Variants in NTRK3 observed in about 807,000 individuals in gnomAD.
The protein encoded by NTRK3 is NT-3 growth factor receptor.
A neutral mutation model predicts 91.7 loss-of-function variants in NTRK3; 24 were observed. That is an observed-to-expected ratio of 0.26 (90% CI 0.19 to 0.37). The LOEUF is 0.37. Ranked by LOEUF, NTRK3 falls within the 10% of genes least tolerant of loss-of-function variation. The probability of loss-of-function intolerance (pLI) is 1.00; values close to 1 mark genes in which losing one functional copy is unlikely to be tolerated. For synonymous variants in NTRK3, 483 were observed against 404.0 expected, an observed-to-expected ratio of 1.20 and a Z score of -2.34; for missense variants, 880 against 1,068.9, an observed-to-expected ratio of 0.82 and a Z score of 2.46.
chr15:88,092,216 A>G (rs1447951842), intron 13 of NTRK3, among the ~76,000 whole-genome samples: 1 of 152,164 alleles, frequency 6.6e-6, no homozygotes, highest in East Asian at 1.9e-4. Context: ...ATCAGATGAA[A>G]TATGATGGCT....
chr15:88,213,939 C>T (rs951524305), intron 3 of NTRK3, among the ~76,000 whole-genome samples: 7 of 151,992 alleles, frequency 4.6e-5, no homozygotes, highest in Admixed American at 1.3e-4. Flanking sequence ...ATTAGCCAGG[C>T]GTGGTGGCAC....
intron 15 of NTRK3, among the ~76,000 whole-genome samples, chr15:87,937,136 C>T (rs2069369068): frequency 6.6e-6 from 1 of 152,204 alleles, no homozygotes; most frequent in African/African-American, 2.4e-5. Flanking sequence ...CTTATGACCT[C>T]TACAGAACAT....
chr15:88,185,451 T>C (rs2046869074), intron 3 of NTRK3, among the ~76,000 whole-genome samples: 1 of 152,140 alleles, frequency 6.6e-6, no homozygotes, highest in Non-Finnish European at 1.5e-5. Context: ...GATCCCCAGG[T>C]TGAGAACCAT....
At chr15:87,983,118 C>G (rs1213708550) in intron 14 of NTRK3, among the ~76,000 whole-genome samples, 1 of 152,240 alleles carries the variant, frequency 6.6e-6, no homozygotes, top group East Asian at 1.9e-4. Context: ...TTTCAAACAT[C>G]CCCTCTTCAA....
intron 3 of NTRK3, among the ~76,000 whole-genome samples, chr15:88,226,396 G>C (rs764975420): frequency 6.6e-6 from 1 of 152,206 alleles, no homozygotes; most frequent in Non-Finnish European, 1.5e-5. Context: ...AACAGGCCAC[G>C]AGCAGTCCAC....
At chr15:88,022,098 C>T (rs2077641661) in intron 14 of NTRK3, among the ~76,000 whole-genome samples, 1 of 152,118 alleles carries the variant, frequency 6.6e-6, no homozygotes, top group Admixed American at 6.5e-5. Flanking sequence ...AGGGCGGAGT[C>T]CATCATCCAC....
At chr15:88,042,801 T>C (rs889107323) in intron 13 of NTRK3, among the ~76,000 whole-genome samples, 3 of 152,128 alleles carry the variant, frequency 2.0e-5, no homozygotes, top group African/African-American at 7.2e-5. Flanking sequence ...AGTGATGTAG[T>C]TGAGGAAATT....
Position 88,237,385 on chromosome 15 carries a change from A to G in NTRK3, c.248+18521T>C, listed in dbSNP as rs1239239049. On this transcript the variant is annotated intron_variant, in intron 3 of 18. Transcript: ENST00000394480. The surrounding 1 kb of genome is among the most constrained non-coding windows in gnomAD (Gnocchi z 4.0). ...CCATTGTTTTGGGAAGTTCTTTCTTACTGCTAAACCACATCCCCAGAGCTG... is the reference window on the plus strand; with the variant it reads ...CCATTGTTTTGGGAAGTTCTTTCTTGCTGCTAAACCACATCCCCAGAGCTG... Among the ~76,000 whole-genome samples, 1 of 152,204 alleles carries G rather than the reference A, an allele frequency of 6.6e-6. No individual in the cohort carries two copies. Among genetic ancestry groups the G allele is most frequent in the Admixed American group, 6.5e-5 (1 of 15,284 alleles).
intron 17 of NTRK3, among the ~76,000 whole-genome samples, chr15:87,883,277 ATAT>A (rs1567067180): frequency 6.7e-6 from 1 of 149,278 alleles, no homozygotes; most frequent in African/African-American, 2.4e-5. Context: ...ATCATAATTA[ATAT>A]TATATTTAAA....
At chr15:87,885,820 A>C in intron 17 of NTRK3, 85 bp from the exon 18 acceptor site, 1 of 500,346 alleles carries the variant, frequency 2.0e-6, no homozygotes, top group Non-Finnish European at 3.2e-6. Flanking sequence ...AGGCCTTCCT[A>C]AATAAGACAC....
chr15:87,906,151 C>G (rs184742298), intron 17 of NTRK3, among the ~76,000 whole-genome samples: 1 of 152,222 alleles, frequency 6.6e-6, no homozygotes, highest in East Asian at 1.9e-4. Flanking sequence ...GGATTTAAAT[C>G]CTGGCTCCAC....
At chr15:88,213,184 T>C (rs544504854) in intron 3 of NTRK3, among the ~76,000 whole-genome samples, 1 of 152,216 alleles carries the variant, frequency 6.6e-6, no homozygotes, top group Non-Finnish European at 1.5e-5. Context: ...CTGTCATCCT[T>C]AGGCAGCCGT....
chr15:88,222,318 T>C (rs942181516), intron 3 of NTRK3, among the ~76,000 whole-genome samples: 5 of 152,224 alleles, frequency 3.3e-5, no homozygotes, highest in Non-Finnish European at 5.9e-5. Context: ...ACTGTTATTA[T>C]TCCCATTTTA....
intron 3 of NTRK3, among the ~76,000 whole-genome samples, chr15:88,194,249 CCCAGGGAG>C (rs2047638287): frequency 3.9e-5 from 6 of 152,346 alleles, no homozygotes; most frequent in Admixed American, 1.3e-4. Context: ...GTTGGAGTCT[CCCAGGGAG>C]CCTGGGGCTC....
chr15:88,226,904 G>A (rs559786168), intron 3 of NTRK3, among the ~76,000 whole-genome samples: 2 of 152,210 alleles, frequency 1.3e-5, no homozygotes, highest in Non-Finnish European at 2.9e-5. Flanking sequence ...GGCTCAGAGA[G>A]GTTAAGTATC....
chr15:88,229,319 G>C (rs1035145088), intron 3 of NTRK3, among the ~76,000 whole-genome samples: 3 of 152,124 alleles, frequency 2.0e-5, no homozygotes, highest in African/African-American at 7.2e-5. Context: ...ACATCCTAGA[G>C]CCCATGAGCA....
chr15:87,874,184 T>G (rs1211778339), exon 19 of NTRK3: 1 of 54,690 alleles, frequency 1.8e-5, no homozygotes, highest in African/African-American at 1.2e-4. Flanking sequence ...CCCTATTTTC[T>G]GCCTCCTTTA....
At chr15:88,036,082 GAAGA>G (rs780606662) in intron 13 of NTRK3, among the ~76,000 whole-genome samples, 3 of 152,038 alleles carry the variant, frequency 2.0e-5, no homozygotes, top group Non-Finnish European at 4.4e-5. Flanking sequence ...AATATGAACA[GAAGA>G]GATGAATGGA....
chr15:88,038,585 A>G (rs2079286089), intron 13 of NTRK3, among the ~76,000 whole-genome samples: 1 of 152,144 alleles, frequency 6.6e-6, no homozygotes, highest in African/African-American at 2.4e-5. Flanking sequence ...TAACAAATGC[A>G]CCACTCTGCG....
Sources: allele counts gnomAD v4.1 joint callset (sites outside exome capture counted in the v4.1 genomes callset), GRCh38; gene constraint gnomAD v4.1.1; non-coding constraint Gnocchi (gnomAD v3.1); transcripts MANE v1.5; gene names NCBI Gene and HGNC (gene_info 2026-07-23, HGNC 2026-07-21).